EMP1: variants seen among roughly 807,000 people sequenced by gnomAD.
The protein encoded by EMP1 is tumor-associated membrane protein.
A neutral mutation model predicts 15.7 loss-of-function variants in EMP1; 5 were observed. The observed-to-expected ratio is 0.32, with a 90% CI of 0.17 to 0.67. EMP1 has a LOEUF of 0.67. Ranked by LOEUF, EMP1 falls within the 30% of genes least tolerant of loss-of-function variation. EMP1 has a pLI of 0.74. For synonymous variants in EMP1, 78 were observed against 76.7 expected, an observed-to-expected ratio of 1.02 and a Z score of -0.09; for missense variants, 166 against 194.2, an observed-to-expected ratio of 0.85 and a Z score of 0.86.
intron 1 of EMP1, among the ~76,000 whole-genome samples, chr12:13,200,994 G>A (rs1010514742): frequency 1.3e-5 from 2 of 152,354 alleles, no homozygotes; most frequent in Admixed American, 1.3e-4. Flanking sequence ...GCAGATGTAA[G>A]ACAGCTGACT....
Position 13,214,721 on chromosome 12 carries a change from G to T in EMP1, c.*30G>T. ...GGACGAGTTCATGGGGATCTGGGGG[G>T]TGGGGAGGAGGAAGCCGTTGAATCT... On this transcript the variant is annotated 3_prime_UTR_variant, in exon 5 of 5. Coordinates refer to ENST00000256951, the MANE Select transcript of EMP1 (RefSeq NM_001423.3). The T allele has an allele frequency of 6.3e-7, 1 of 1,594,896 alleles. No homozygotes were observed. Among genetic ancestry groups the T allele is most frequent in the Non-Finnish European group, 8.6e-7 (1 of 1,169,580 alleles).
In EMP1 at chr12:13,219,638, AC is replaced by A. The variant is rs1212852209; in HGVS notation, c.*4948del. On this transcript the variant is annotated 3_prime_UTR_variant, in exon 5 of 5. Coordinates refer to ENST00000256951, the MANE Select transcript of EMP1 (RefSeq NM_001423.3). ...TTTATATAGAAAAGAGGTTTAATTG[AC>A]AAAAAAGCTAACAAAGTGAGCCCTG... The A allele has an allele frequency of 8.5e-5, 13 of 152,238 alleles. No homozygotes were observed. Among genetic ancestry groups the A allele is most frequent in the African/African-American group, 3.1e-4 (13 of 41,472 alleles). The allele number at this position is 152,238 out of a possible 1,614,324, so 9.4% of individuals were successfully genotyped here. A position where few individuals can be genotyped will look rare whatever the true frequency, so the allele number is the denominator to read the frequency against.
rs1324798352 is a variant in EMP1, at chr12:13,215,763, T to A, written c.*1072T>A. 6.5e-6 allele frequency: 1 copy of A among 153,236 alleles called. No homozygotes were observed. Among genetic ancestry groups the A allele is most frequent in the African/African-American group, 2.4e-5 (1 of 41,446 alleles). The allele number at this position is 153,236 out of a possible 1,614,324, so 9.5% of individuals were successfully genotyped here. On this transcript the variant is annotated 3_prime_UTR_variant, in exon 5 of 5. Transcript: ENST00000256951. ...TGGAGTGATCACCTCTTGGGGACCC[T>A]GCCTATCCCACTTCACAGGTGAGGC...
rs932989045 is a variant in EMP1 at position 13,218,519 on chromosome 12, G to A, written c.*3828G>A. 2.6e-5 allele frequency: 4 copies of A among 152,196 alleles called. No homozygotes were observed. Among genetic ancestry groups the A allele is most frequent in the African/African-American group, 9.7e-5 (4 of 41,440 alleles). The allele number at this position is 152,196 out of a possible 1,614,324, so 9.4% of individuals were successfully genotyped here. On this transcript the variant is annotated 3_prime_UTR_variant, in exon 5 of 5. Transcript: ENST00000256951. ...AGAAGAAAACTTGTTGGAAATTTTGGAGTAGATTGTGAGGAGGGGTGACTC... is the reference window on the plus strand; with the variant it reads ...AGAAGAAAACTTGTTGGAAATTTTGAAGTAGATTGTGAGGAGGGGTGACTC...
Position 13,214,531 on chromosome 12 carries a change from C to T in EMP1, c.317-3C>T, listed in dbSNP as rs1864195527. ...CACCGACAAATCTCCTTTTCCCCTGCAGGGCTGTGCATTCTTGTGGGGGTG... is the reference window on the plus strand; with the variant it reads ...CACCGACAAATCTCCTTTTCCCCTGTAGGGCTGTGCATTCTTGTGGGGGTG... On this transcript the variant is annotated splice_region_variant and splice_polypyrimidine_tract_variant and intron_variant, in intron 4 of 4. Coordinates refer to ENST00000256951, the MANE Select transcript of EMP1 (RefSeq NM_001423.3). The T allele has an allele frequency of 6.2e-7, 1 of 1,613,740 alleles. No homozygotes were observed. The highest frequency in any genetic ancestry group is 1.3e-5 in the African/African-American group (1 of 74,990).
At chr12:13,206,322 C>A (rs1565578184) in intron 1 of EMP1, among the ~76,000 whole-genome samples, 7 of 152,218 alleles carry the variant, frequency 4.6e-5, no homozygotes. Flanking sequence ...AGAAAGCTCT[C>A]TCGTGCCCTT....
chr12:13,212,270 A>C (rs1864171745), intron 2 of EMP1, among the ~76,000 whole-genome samples: 3 of 152,172 alleles, frequency 2.0e-5, no homozygotes, highest in African/African-American at 4.8e-5. Flanking sequence ...TCTGACCTCT[A>C]GTGGTGGCTT....
chr12:13,203,598 G>C (rs1267863453), intron 1 of EMP1, among the ~76,000 whole-genome samples: 2 of 152,236 alleles, frequency 1.3e-5, no homozygotes, highest in Non-Finnish European at 2.9e-5. Context: ...TCCCCGGCCC[G>C]AGCCTCTCAT....
In EMP1 at chr12:13,201,145, C is replaced by T. The variant is rs1864062330; in HGVS notation, c.-43+4273C>T. 2.6e-5 allele frequency among the ~76,000 whole-genome samples: 4 copies of T among 152,126 alleles called. No homozygotes were observed. The South Asian group carries it at 8.3e-4, about 32-fold the overall frequency. On this transcript the variant is annotated intron_variant, in intron 1 of 4. Coordinates refer to ENST00000256951, the MANE Select transcript of EMP1 (RefSeq NM_001423.3). ...TCTGAGATTCTAAGATTCACCCAGG[C>T]GTGGTAATCCCAGCTACTTGGGAGA...
rs1864209846 is a variant in EMP1, at chr12:13,215,798, C to T, written c.*1107C>T. 6.5e-6 allele frequency: 1 copy of T among 153,452 alleles called. No individual in the cohort carries two copies. The highest frequency in any genetic ancestry group is 2.4e-5 in the African/African-American group (1 of 41,442). 9.5% of individuals were successfully genotyped at this position (153,452 alleles called of 1,614,324 possible). A position where few individuals can be genotyped will look rare whatever the true frequency, so the allele number is the denominator to read the frequency against. On this transcript the variant is annotated 3_prime_UTR_variant, in exon 5 of 5. Coordinates refer to ENST00000256951, the MANE Select transcript of EMP1 (RefSeq NM_001423.3). ...ACTTCACAGGTGAGGCATGGCAATTCTGGAAGCTGATTAAAACACACATAA... is the reference window on the plus strand; with the variant it reads ...ACTTCACAGGTGAGGCATGGCAATTTTGGAAGCTGATTAAAACACACATAA...
At position 13,217,400 on chromosome 12, in the gene EMP1, C is replaced by A. The variant is rs1332775017; in HGVS notation, c.*2709C>A. ...TCTGGTCTTGGATGAAATAGTTGCACAGAGTATTGCACCAAAAATACACAA... is the reference window on the plus strand; with the variant it reads ...TCTGGTCTTGGATGAAATAGTTGCAAAGAGTATTGCACCAAAAATACACAA... On this transcript the variant is annotated 3_prime_UTR_variant, in exon 5 of 5. Transcript: ENST00000256951. The A allele has an allele frequency of 6.6e-6, 1 of 152,170 alleles. No individual in the cohort carries two copies. The highest frequency in any genetic ancestry group is 6.5e-5 in the Admixed American group (1 of 15,284). The allele number at this position is 152,170 out of a possible 1,614,324, so 9.4% of individuals were successfully genotyped here. A position where few individuals can be genotyped will look rare whatever the true frequency, so the allele number is the denominator to read the frequency against.
At position 13,217,284 on chromosome 12, in the gene EMP1, G is replaced by A. The variant is rs1474683403; in HGVS notation, c.*2593G>A. 2.0e-5 allele frequency: 3 copies of A among 152,148 alleles called. No homozygotes were observed. Among genetic ancestry groups the A allele is most frequent in the African/African-American group, 7.2e-5 (3 of 41,436 alleles). 9.4% of individuals were successfully genotyped at this position (152,148 alleles called of 1,614,324 possible). ...ACTGGTATCTTTCTGTGAGCAATAAGGACTGGATAAAGACTGCATATCCTT... is the reference window on the plus strand; with the variant it reads ...ACTGGTATCTTTCTGTGAGCAATAAAGACTGGATAAAGACTGCATATCCTT... On this transcript the variant is annotated 3_prime_UTR_variant, in exon 5 of 5. Coordinates refer to ENST00000256951, the MANE Select transcript of EMP1 (RefSeq NM_001423.3).
At chr12:13,210,262 C>T (rs893877465) in intron 1 of EMP1, among the ~76,000 whole-genome samples, 22 of 152,152 alleles carry the variant, frequency 1.4e-4, no homozygotes, top group South Asian at 4.1e-4. Flanking sequence ...TTGCAGGATG[C>T]GCCTGGCCAT....
At chr12:13,212,714 A>G (rs942220511) in intron 2 of EMP1, among the ~76,000 whole-genome samples, 1 of 152,258 alleles carries the variant, frequency 6.6e-6, no homozygotes, top group Non-Finnish European at 1.5e-5. Flanking sequence ...GGCGTAGGTG[A>G]TGCATGTTCC....
intron 1 of EMP1, among the ~76,000 whole-genome samples, chr12:13,204,244 G>A (rs750468114): frequency 1.3e-5 from 2 of 152,074 alleles, no homozygotes; most frequent in East Asian, 1.9e-4. Context: ...TGTTTCCCAC[G>A]GAGAAATTAA....
intron 1 of EMP1, among the ~76,000 whole-genome samples, chr12:13,202,562 TC>T (rs1165214350): frequency 1.3e-4 from 20 of 152,046 alleles, no homozygotes; most frequent in Admixed American, 6.5e-5. Context: ...ACCTGGAGCT[TC>T]CCTTTATTGA....
rs890826400 is a variant in EMP1, at chr12:13,214,376, C to T, written c.317-158C>T. On this transcript the variant is annotated intron_variant, in intron 4 of 4. Coordinates refer to ENST00000256951, the MANE Select transcript of EMP1 (RefSeq NM_001423.3). ...TTTATCAACATACCGTCGAGCTTGG[C>T]CCAGGGGACATCCATCAGAACTCCT... 6.0e-6 allele frequency: 6 copies of T among 1,000,410 alleles called. No individual in the cohort carries two copies. The Middle Eastern group carries it at 1.1e-3, about 182-fold the overall frequency. The allele number at this position is 1,000,410 out of a possible 1,614,324, so 62.0% of individuals were successfully genotyped here.
intron 1 of EMP1, among the ~76,000 whole-genome samples, chr12:13,208,452 G>C (rs2121154945): frequency 6.6e-6 from 1 of 152,292 alleles, no homozygotes; most frequent in African/African-American, 2.4e-5. Flanking sequence ...TGGGTAACTA[G>C]GGATGATTCA....
At position 13,211,774 on chromosome 12, in the gene EMP1, C is replaced by T; in HGVS notation, c.78+186C>T. 1 of 637,376 alleles carries T rather than the reference C, an allele frequency of 1.6e-6. No homozygotes were observed. The highest frequency in any genetic ancestry group is 2.7e-6 in the Non-Finnish European group (1 of 370,976). 39.5% of individuals were successfully genotyped at this position (637,376 alleles called of 1,614,324 possible). On this transcript the variant is annotated intron_variant, in intron 2 of 4. Coordinates refer to ENST00000256951, the MANE Select transcript of EMP1 (RefSeq NM_001423.3). This position sits in a 1 kb window ranked among gnomAD's most constrained non-coding sequence, Gnocchi z 4.7. Reference sequence around the variant, plus strand: ...ATAACAGGAGGATAAAAGTGAATGTCCACAGGAGTAATCCTGCCAGAGCTG... The same window carrying T: ...ATAACAGGAGGATAAAAGTGAATGTTCACAGGAGTAATCCTGCCAGAGCTG...
Sources: gnomAD v4.1 joint callset for allele counts (sites outside exome capture counted in the v4.1 genomes callset) on GRCh38, gnomAD v4.1.1 for gene constraint, Gnocchi (gnomAD v3.1) non-coding constraint, MANE v1.5 for transcripts, NCBI Gene and HGNC (gene_info 2026-07-23, HGNC 2026-07-21) for gene names.